EGFR: variants seen among roughly 807,000 people sequenced by gnomAD.
EGFR encodes epidermal growth factor receptor.
EGFR carries 58 observed loss-of-function variants against 143.0 expected under a neutral mutation model. The observed-to-expected ratio is 0.41, with a 90% confidence interval of 0.33 to 0.50. The LOEUF is 0.50. Ranked by LOEUF, EGFR falls within the 20% of genes least tolerant of loss-of-function variation. The probability of loss-of-function intolerance (pLI) is 0.39; values close to 1 mark genes in which losing one functional copy is unlikely to be tolerated. For missense variants in EGFR, 1,307 were observed against 1,579.0 expected (o/e 0.83, Z 2.92); for synonymous variants, 613 against 594.4 (o/e 1.03, Z -0.45).
At chr7:55,019,770 C>T (rs1583838089) in intron 1 of EGFR, among the ~76,000 whole-genome samples, 1 of 152,196 alleles carries the variant, frequency 6.6e-6, no homozygotes, top group Admixed American at 6.5e-5. Flanking sequence ...GCGCTGTCTT[C>T]CCAGGGCGCG....
intron 1 of EGFR, chr7:55,110,047 G>A (rs1792380566): frequency 1.6e-6 from 1 of 632,178 alleles, no homozygotes; most frequent in Non-Finnish European, 2.0e-6. Flanking sequence ...GGCATCACAT[G>A]ATGAGATACT....
rs1386332703 is a variant in EGFR at position 55,149,345 on chromosome 7, TCTCA to T, written c.560-1946_560-1943del. Among the ~76,000 whole-genome samples the T allele has an allele frequency of 3.9e-5, 6 of 152,070 alleles. No homozygotes were observed. In the East Asian group the frequency reaches 5.8e-4, roughly 15 times the overall value. ...AACATGAGCAGCCTCTCTCTCTCAC[TCTCA>T]CTGTCTCTCTTTCTGTCACACACAC... On this transcript the variant is annotated intron_variant, in intron 4 of 27. Coordinates refer to ENST00000275493, the MANE Select transcript of EGFR (RefSeq NM_005228.5).
chr7:55,173,149 C>G (rs773627124), intron 17 of EGFR, 25 bp downstream of exon 17: 2 of 1,605,546 alleles, frequency 1.2e-6, no homozygotes, highest in South Asian at 1.1e-5. Context: ...TGGGTGGGCT[C>G]AGGAGCCCTC....
chr7:55,203,661 A>C (rs1584276827), intron 27 of EGFR, among the ~76,000 whole-genome samples: 1 of 144,196 alleles, frequency 6.9e-6, no homozygotes. Context: ...CACACACCAC[A>C]CACACACATA....
chr7:55,081,429 C>T (rs563176155), intron 1 of EGFR, among the ~76,000 whole-genome samples: 13 of 152,176 alleles, frequency 8.5e-5, no homozygotes, highest in Non-Finnish European at 1.3e-4. Context: ...CTTTCTTCTT[C>T]GCAATGAGTG....
chr7:55,023,013 A>G lies in EGFR; in HGVS notation c.88+3648A>G, dbSNP rs1452959226. ...GCAGCTAGCATCTGAAACTTTTTTG[A>G]CGAGAGTGACAAACCAACTCTAATA... On this transcript the variant is annotated intron_variant, in intron 1 of 27. Coordinates refer to ENST00000275493, the MANE Select transcript of EGFR (RefSeq NM_005228.5). Among the ~76,000 whole-genome samples, 3 of 152,342 alleles carry G rather than the reference A, an allele frequency of 2.0e-5. No homozygotes were observed. The East Asian group carries it at 5.8e-4, about 29-fold the overall frequency.
intron 11 of EGFR, among the ~76,000 whole-genome samples, chr7:55,158,960 G>A (rs1785562089): frequency 6.6e-6 from 1 of 152,218 alleles, no homozygotes; most frequent in African/African-American, 2.4e-5. Flanking sequence ...CTAACCCCCT[G>A]CCATCCAACA....
chr7:55,076,740 T>C (rs929140896), intron 1 of EGFR, among the ~76,000 whole-genome samples: 1 of 152,200 alleles, frequency 6.6e-6, no homozygotes, highest in Admixed American at 6.5e-5. Context: ...GTAGAGCACA[T>C]GGTTCATTCA....
intron 1 of EGFR, among the ~76,000 whole-genome samples, chr7:55,025,225 A>G (rs1321784835): frequency 6.6e-6 from 1 of 152,090 alleles, no homozygotes; most frequent in Non-Finnish European, 1.5e-5. Context: ...CGGTTTGGGG[A>G]ATGGACTGCA....
Position 55,160,339 on chromosome 7 carries a change from G to A in EGFR, c.1498+1G>A. The A allele has an allele frequency of 6.2e-7, 1 of 1,612,506 alleles. No individual in the cohort carries two copies. The highest frequency in any genetic ancestry group is 8.5e-7 in the Non-Finnish European group (1 of 1,179,892). ...AGCAACAGAGGTGAAAACAGCTGCA[G>A]TAAGTCACCGCTTTCTGTTTAGTTT... On this transcript the variant is annotated splice_donor_variant, in intron 12 of 27. Coordinates refer to ENST00000275493, the MANE Select transcript of EGFR (RefSeq NM_005228.5). LOFTEE classifies it high-confidence loss of function.
intron 1 of EGFR, among the ~76,000 whole-genome samples, chr7:55,063,532 G>T (rs1789317868): frequency 6.6e-6 from 1 of 152,152 alleles, no homozygotes; most frequent in Non-Finnish European, 1.5e-5. Flanking sequence ...TTGCACTCAT[G>T]GAAAAAGTTC....
intron 1 of EGFR, among the ~76,000 whole-genome samples, chr7:55,100,719 G>A (rs1791760565): frequency 6.6e-6 from 1 of 152,184 alleles, no homozygotes; most frequent in African/African-American, 2.4e-5. Flanking sequence ...CCTGGGACAC[G>A]CAGACAGGAA....
rs1583835979 is a variant in EGFR at position 55,019,303 on chromosome 7, C to A, written c.26C>A (p.Ala9Glu). The stretch of plus-strand genomic sequence containing the variant: ...ATGCGACCCTCCGGGACGGCCGGGG[C>A]AGCGCTCCTGGCGCTGCTGGCTGCG... MRPSGTAG[A>E]ALLALLAALC... The change falls in exon 1 of 28, where the codon GCA becomes GAA. Residue 9 changes from alanine to glutamate, a missense_variant. Ala to Glu is a moderately radical substitution (Grantham distance 107). Around this residue, in one of 7 missense-constraint regions of EGFR, gnomAD observed 65 missense variants for 37.8 expected, o/e 1.72. Transcript: ENST00000275493. The A allele has an allele frequency of 1.3e-6, 2 of 1,516,672 alleles. No homozygotes were observed. The highest frequency in any genetic ancestry group is 1.8e-6 in the Non-Finnish European group (2 of 1,128,118). 94.0% of individuals were successfully genotyped at this position (1,516,672 alleles called of 1,614,324 possible). A position where few individuals can be genotyped will look rare whatever the true frequency, so the allele number is the denominator to read the frequency against.
intron 5 of EGFR, chr7:55,152,286 C>A: frequency 1.5e-6 from 1 of 658,002 alleles, no homozygotes; most frequent in Non-Finnish European, 2.8e-6. Context: ...TTCTGCATTG[C>A]CCAAGATGCA....
chr7:55,089,747 C>G (rs1305002513), intron 1 of EGFR, among the ~76,000 whole-genome samples: 1 of 151,992 alleles, frequency 6.6e-6, no homozygotes, highest in Non-Finnish European at 1.5e-5. Context: ...AAAGTCAGAC[C>G]CACCTCTCAC....
At chr7:55,059,622 T>A (rs1023893263) in intron 1 of EGFR, among the ~76,000 whole-genome samples, 3 of 152,048 alleles carry the variant, frequency 2.0e-5, no homozygotes, top group Non-Finnish European at 4.4e-5. Flanking sequence ...CCCCACCTGC[T>A]CACTCCTCCT....
intron 8 of EGFR, 39 bp downstream of exon 8, chr7:55,155,985 G>A (rs41387647): frequency 1.4e-5 from 20 of 1,475,336 alleles, no homozygotes; most frequent in Non-Finnish European, 1.7e-5. Flanking sequence ...GCTTGTTCTC[G>A]GCTGCTGAGG....
chr7:55,021,615 G>GGA, intron 1 of EGFR, among the ~76,000 whole-genome samples: 1 of 152,174 alleles, frequency 6.6e-6, no homozygotes, highest in East Asian at 1.9e-4. Flanking sequence ...TATTAAAATA[G>GGA]GAGATGAGCT....
In EGFR at chr7:55,083,409, C is replaced by T. The variant is rs138566736; in HGVS notation, c.89-58877C>T. 5.6e-3 allele frequency among the ~76,000 whole-genome samples: 847 copies of T among 152,326 alleles called. 11 individuals carry two copies. The highest frequency in any genetic ancestry group is 6.8e-3 in the Middle Eastern group (2 of 294). On this transcript the variant is annotated intron_variant, in intron 1 of 27. Transcript: ENST00000275493. ...CCTGGGATTTTCTTCTTGACTCACTCCACTGTGGCCTCCCTCATCCAGGAC... is the reference window on the plus strand; with the variant it reads ...CCTGGGATTTTCTTCTTGACTCACTTCACTGTGGCCTCCCTCATCCAGGAC...
Sources: gnomAD v4.1 joint callset for allele counts (sites outside exome capture counted in the v4.1 genomes callset) on GRCh38, gnomAD v4.1.1 for gene constraint, gnomAD v4.1.1 regional missense constraint, MANE v1.5 for transcripts, NCBI Gene and HGNC (gene_info 2026-07-23, HGNC 2026-07-21) for gene names.